Variants in COL6A6 observed in about 807,000 individuals in gnomAD.
COL6A6 encodes collagen alpha-6(VI) chain.
In COL6A6, 183 loss-of-function variants were observed where a neutral mutation model predicts 208.6. The ratio of observed to expected loss-of-function variants is 0.88; its 90% CI spans 0.78 to 0.99. COL6A6 has a LOEUF of 0.99. Among genes scored for constraint, COL6A6 ranks in the 50% least tolerant of loss-of-function variants. COL6A6 has a pLI of 0.00. For missense variants in COL6A6, 2,816 were observed against 2,815.2 expected (o/e 1.00, Z -0.01); for synonymous variants, 973 against 1,011.8 (o/e 0.96, Z 0.73).
intron 32 of COL6A6, among the ~76,000 whole-genome samples, chr3:130,647,314 A>G (rs1004760833): frequency 6.6e-6 from 1 of 151,976 alleles, no homozygotes; most frequent in Non-Finnish European, 1.5e-5. Flanking sequence ...TTTTTTTCAT[A>G]TCTTCAGCCA....
At chr3:130,663,099 T>G (rs183593255) in intron 35 of COL6A6, among the ~76,000 whole-genome samples, 1 of 152,238 alleles carries the variant, frequency 6.6e-6, no homozygotes, top group African/African-American at 2.4e-5. Flanking sequence ...GAGTACCCGG[T>G]GTGGTTCAAC....
chr3:130,598,384 G>A lies in COL6A6; in HGVS notation c.4553G>A (p.Ser1518Asn), dbSNP rs1476289202. 1 of 1,550,484 alleles carries A rather than the reference G, an allele frequency of 6.4e-7. No individual in the cohort carries two copies. Among genetic ancestry groups the A allele is most frequent in the South Asian group, 1.2e-5 (1 of 83,840 alleles). ...RGDPGAPGVDSSIEGPTGLKG... is the reference protein window; with the variant it reads ...RGDPGAPGVDNSIEGPTGLKG... ...TTTTAGGGAGCTCCTGGAGTTGACA[G>A]TAGCATAGAAGGACCCACAGGCTTG... is the stretch of plus-strand genomic sequence containing the variant. Residue 1518 changes from serine (S) to asparagine (N), a missense_variant, in exon 19 of 37, where the codon AGT becomes AAT. By Grantham distance (46) the Ser-to-Asn change is conservative (BLOSUM62 1). Transcript: ENST00000358511.
intron 10 of COL6A6, among the ~76,000 whole-genome samples, chr3:130,584,192 T>C (rs892561070): frequency 6.6e-6 from 1 of 152,186 alleles, no homozygotes; most frequent in Admixed American, 6.5e-5. Flanking sequence ...TGAAAGAAGA[T>C]AGGAGTCCCC....
chr3:130,664,132 T>C (rs1227860171), intron 35 of COL6A6, among the ~76,000 whole-genome samples: 1 of 152,204 alleles, frequency 6.6e-6, no homozygotes, highest in African/African-American at 2.4e-5. Context: ...ACTGTTATAA[T>C]AGAGTTGACT....
chr3:130,596,275 A>G (rs553850050), intron 18 of COL6A6, among the ~76,000 whole-genome samples: 42 of 152,360 alleles, frequency 2.8e-4, no homozygotes, highest in African/African-American at 9.1e-4. Flanking sequence ...TATTAGTTCA[A>G]ATACAAAGAC....
intron 18 of COL6A6, among the ~76,000 whole-genome samples, chr3:130,595,702 A>T (rs1167769783): frequency 6.6e-6 from 1 of 152,202 alleles, no homozygotes; most frequent in Non-Finnish European, 1.5e-5. Flanking sequence ...TTTATTTGTT[A>T]TACTAATGAT....
chr3:130,635,039 A>G (rs1348833834), intron 27 of COL6A6, among the ~76,000 whole-genome samples: 1 of 152,180 alleles, frequency 6.6e-6, no homozygotes, highest in Non-Finnish European at 1.5e-5. Flanking sequence ...ATTCGAGACC[A>G]GCCTGGCCAA....
chr3:130,608,159 C>T (rs906039976), intron 21 of COL6A6, among the ~76,000 whole-genome samples: 2 of 152,168 alleles, frequency 1.3e-5, no homozygotes, highest in African/African-American at 2.4e-5. Context: ...TTTCAACATA[C>T]GTGTTTTGAA....
At position 130,598,871 on chromosome 3, in the gene COL6A6, G is replaced by A. The variant is rs182379429; in HGVS notation, c.4599+441G>A. Among the ~76,000 whole-genome samples, 58 of 152,276 alleles carry A rather than the reference G, an allele frequency of 3.8e-4. 1 individual carries two copies. The highest frequency in any genetic ancestry group is 3.4e-3 in the Middle Eastern group (1 of 294). ...GTCCACACAATCAAGAAAAGTTCTT[G>A]GGCTTAATCTCATAAGTCACAATGT... On this transcript the variant is annotated intron_variant, in intron 19 of 36. Transcript: ENST00000358511.
intron 35 of COL6A6, 33 bp downstream of exon 35, chr3:130,662,341 TAAG>T (rs752431784): frequency 7.6e-6 from 12 of 1,576,412 alleles, no homozygotes; most frequent in Non-Finnish European, 1.0e-5. Context: ...CTCTGCACTT[TAAG>T]AATATACTTG....
chr3:130,538,711 A>G (rs1026642816), intron 1 of COL6A6, among the ~76,000 whole-genome samples: 1 of 152,240 alleles, frequency 6.6e-6, no homozygotes, highest in African/African-American at 2.4e-5. Flanking sequence ...CTACTAGCCT[A>G]CACAGCCTTA....
intron 19 of COL6A6, 108 bp downstream of exon 19, chr3:130,598,538 C>A: frequency 2.7e-6 from 2 of 748,758 alleles, no homozygotes; most frequent in Non-Finnish European, 4.5e-6. Flanking sequence ...AGTGGATATA[C>A]TTGGTACAGA....
chr3:130,651,497 A>G (rs1053557706), intron 33 of COL6A6, among the ~76,000 whole-genome samples: 1 of 151,972 alleles, frequency 6.6e-6, no homozygotes, highest in Non-Finnish European at 1.5e-5. Flanking sequence ...CTTGATCCTG[A>G]ACAAAAATTT....
chr3:130,617,444 A>G (rs1218335006), intron 23 of COL6A6, among the ~76,000 whole-genome samples: 1 of 152,228 alleles, frequency 6.6e-6, no homozygotes, highest in African/African-American at 2.4e-5. Flanking sequence ...AAAGGCAGGC[A>G]TGCAGAAAGA....
Position 130,676,910 on chromosome 3 carries a change from A to AT in COL6A6, c.*1517dup, listed in dbSNP as rs1220858808. The AT allele has an allele frequency of 2.6e-5, 4 of 152,356 alleles. No individual in the cohort carries two copies. The highest frequency in any genetic ancestry group is 7.2e-5 in the African/African-American group (3 of 41,598). The allele number at this position is 152,356 out of a possible 1,614,324, so 9.4% of individuals were successfully genotyped here. ...AATTAATGAGCAATATTTACAATGT[A>AT]TTTTAATAAAAGGGATTTTTCTAGT... On this transcript the variant is annotated 3_prime_UTR_variant, in exon 37 of 37. Coordinates refer to ENST00000358511, the MANE Select transcript of COL6A6 (RefSeq NM_001102608.3).
chr3:130,635,685 A>G lies in COL6A6; in HGVS notation c.5029-14A>G, dbSNP rs1487012254. 6 of 1,576,394 alleles carry G rather than the reference A, an allele frequency of 3.8e-6. No individual in the cohort carries two copies. Among genetic ancestry groups the G allele is most frequent in the Non-Finnish European group, 5.2e-6 (6 of 1,149,346 alleles). On this transcript the variant is annotated splice_polypyrimidine_tract_variant and intron_variant, in intron 27 of 36. Coordinates refer to ENST00000358511, the MANE Select transcript of COL6A6 (RefSeq NM_001102608.3). Reference sequence around the variant, plus strand: ...TGATTTTAATAACTATTTTACTTTAATAAATGTATTTAGGGTGAGATTGGG... The same window carrying G: ...TGATTTTAATAACTATTTTACTTTAGTAAATGTATTTAGGGTGAGATTGGG...
chr3:130,600,293 G>T (rs1420198948), intron 20 of COL6A6, among the ~76,000 whole-genome samples: 9 of 152,156 alleles, frequency 5.9e-5, no homozygotes, highest in Admixed American at 5.9e-4. Context: ...CAACCATTGT[G>T]GAAGACAGTA....
chr3:130,581,454 C>T (rs959152043), intron 8 of COL6A6, 107 bp from the exon 9 acceptor site: 6 of 796,170 alleles, frequency 7.5e-6, no homozygotes, highest in Non-Finnish European at 1.2e-5. Flanking sequence ...TGTGTTCCAA[C>T]TTTATAACTG....
intron 12 of COL6A6, among the ~76,000 whole-genome samples, chr3:130,589,608 ACT>A (rs1279608363): frequency 6.6e-6 from 1 of 152,204 alleles, no homozygotes; most frequent in Non-Finnish European, 1.5e-5. Flanking sequence ...AGATCAGATC[ACT>A]CTCTTATAGC....
Sources: allele counts gnomAD v4.1 joint callset (sites outside exome capture counted in the v4.1 genomes callset), GRCh38; gene constraint gnomAD v4.1.1; transcripts MANE v1.5; gene names NCBI Gene and HGNC (gene_info 2026-07-23, HGNC 2026-07-21).